FCMR: variants seen among roughly 807,000 people sequenced by gnomAD.
FCMR encodes the protein Fc mu receptor, also known as immunoglobulin mu Fc receptor.
In FCMR, 34 loss-of-function variants were observed where a neutral mutation model predicts 41.6. That is an observed-to-expected ratio of 0.82 (90% CI 0.62 to 1.09). The LOEUF (loss-of-function observed/expected upper bound fraction) is 1.09, where lower values mean the gene tolerates loss of function less well. Ranked by LOEUF, FCMR falls within the 50% of genes least tolerant of loss-of-function variation. FCMR has a pLI of 0.00. For synonymous variants in FCMR, 209 were observed against 211.8 expected, an observed-to-expected ratio of 0.99 and a Z score of 0.12; for missense variants, 496 against 512.5, an observed-to-expected ratio of 0.97 and a Z score of 0.31.
In FCMR at chr1:206,909,362, G is replaced by C. The variant is rs2102549326; in HGVS notation, c.1044+100C>G. The C allele has an allele frequency of 1.8e-6, 1 of 569,604 alleles. No homozygotes were observed. Among genetic ancestry groups the C allele is most frequent in the East Asian group, 3.5e-5 (1 of 28,288 alleles). The allele number at this position is 569,604 out of a possible 1,614,324, so 35.3% of individuals were successfully genotyped here. A position where few individuals can be genotyped will look rare whatever the true frequency, so the allele number is the denominator to read the frequency against. ...TGCTGGGAAACCCGCTCTCCGGATC[G>C]CGGCGGCGGCGGCGCGGGAAGCCAC... is the stretch of plus-strand genomic sequence containing the variant. On this transcript the variant is annotated intron_variant, in intron 7 of 7. Coordinates refer to ENST00000367091, the MANE Select transcript of FCMR (RefSeq NM_005449.5). This position sits in a 1 kb window ranked among gnomAD's most constrained non-coding sequence, Gnocchi z 5.0.
rs978866184 is a variant in FCMR, at chr1:206,912,019, A to G, written c.488-67T>C. On this transcript the variant is annotated intron_variant, in intron 3 of 7. Transcript: ENST00000367091. ...CTCTATTCTCCAACAGGATTAGGTCACCACCTCTTTCCACAACATACCCTT... is the reference window on the plus strand; with the variant it reads ...CTCTATTCTCCAACAGGATTAGGTCGCCACCTCTTTCCACAACATACCCTT... 4.0e-6 allele frequency: 5 copies of G among 1,242,486 alleles called. No homozygotes were observed. In the African/African-American group the frequency reaches 6.0e-5, roughly 15 times the overall value. 77.0% of individuals were successfully genotyped at this position (1,242,486 alleles called of 1,614,324 possible).
intron 2 of FCMR, 56 bp from the exon 3 acceptor site, chr1:206,913,098 G>A: frequency 7.3e-7 from 1 of 1,374,762 alleles, no homozygotes; most frequent in Non-Finnish European, 1.0e-6. Context: ...TGAGGCTTGG[G>A]TGTAAACTGA....
intron 7 of FCMR, among the ~76,000 whole-genome samples, chr1:206,908,425 A>C (rs143162396): frequency 0.011 from 1,745 of 152,320 alleles, 15 homozygotes; most frequent in Middle Eastern, 0.02. Flanking sequence ...GGAATTGTGC[A>C]GGTGTAATTT....
intron 1 of FCMR, among the ~76,000 whole-genome samples, chr1:206,919,683 G>C (rs1206178566): frequency 1.4e-4 from 22 of 152,302 alleles, no homozygotes; most frequent in Non-Finnish European, 1.5e-5. Flanking sequence ...GGCATGACTG[G>C]AGAAGGGTGG....
rs1679358737 is a variant in FCMR at position 206,919,869 on chromosome 1, T to C, written c.37+1949A>G. Among the ~76,000 whole-genome samples, 6 of 152,370 alleles carry C rather than the reference T, an allele frequency of 3.9e-5. No individual in the cohort carries two copies. In the South Asian group the frequency reaches 1.2e-3, roughly 32 times the overall value. On this transcript the variant is annotated intron_variant, in intron 1 of 7. Transcript: ENST00000367091. The stretch of plus-strand genomic sequence containing the variant: ...ACCACCGTGCCCTCCTATGTCCTAC[T>C]ACCTCTCACAGTGTTTGATGTTTCA...
chr1:206,918,854 T>C (rs1213329304), intron 1 of FCMR, among the ~76,000 whole-genome samples: 1 of 152,158 alleles, frequency 6.6e-6, no homozygotes, highest in East Asian at 1.9e-4. Context: ...TTGTGCCTCA[T>C]GCGCTAGGCC....
chr1:206,911,238 G>GTTT (rs34410700), intron 4 of FCMR, among the ~76,000 whole-genome samples: 6 of 146,006 alleles, frequency 4.1e-5, no homozygotes, highest in African/African-American at 1.3e-4. Flanking sequence ...TTATTATAGG[G>GTTT]TTTTTTTTTT....
chr1:206,913,913 C>T lies in FCMR; in HGVS notation c.219G>A (p.Lys73=). The T allele has an allele frequency of 6.2e-7, 1 of 1,614,234 alleles. No individual in the cohort carries two copies. Among genetic ancestry groups the T allele is most frequent in the Non-Finnish European group, 8.5e-7 (1 of 1,180,044 alleles). Residue 73 remains lysine (K), a synonymous_variant, in exon 2 of 8, where the codon AAG becomes AAA. Coordinates refer to ENST00000367091, the MANE Select transcript of FCMR (RefSeq NM_005449.5). ...STTNFIKAEY[K]GRVTLKQYPR... ...GGTATTGCTTCAGAGTAACTCGGCC[C>T]TTGTATTCTGCCTTGATGAAGTTGG... is the stretch of plus-strand genomic sequence containing the variant.
rs778545589 is a variant in FCMR, at chr1:206,914,058, A to G, written c.74T>C (p.Val25Ala). 8 of 1,613,814 alleles carry G rather than the reference A, an allele frequency of 5.0e-6. No homozygotes were observed. The South Asian group carries it at 8.8e-5, about 18-fold the overall frequency. ...GALRILPEVKVEGELGGSVTI... is the reference protein window; with the variant it reads ...GALRILPEVKAEGELGGSVTI... Reference sequence around the variant, plus strand: ...AACTGATCCGCCCAGCTCCCCCTCTACCTTTACTTCTGGGAGGATCCTCAG... The same window carrying G: ...AACTGATCCGCCCAGCTCCCCCTCTGCCTTTACTTCTGGGAGGATCCTCAG... The change falls in exon 2 of 8, where the codon GTA becomes GCA. Residue 25 changes from valine to alanine, a missense_variant. Coordinates refer to ENST00000367091, the MANE Select transcript of FCMR (RefSeq NM_005449.5).
chr1:206,906,127 G>A, intron 7 of FCMR: 2 of 491,554 alleles, frequency 4.1e-6, no homozygotes, highest in South Asian at 1.6e-5. Flanking sequence ...CCACTTAGAT[G>A]ATATAAGACC....
chr1:206,905,064 C>G lies in FCMR; in HGVS notation c.1128G>C (p.Met376Ile), dbSNP rs138108842. The change falls in exon 8 of 8, where the codon ATG becomes ATC. Residue 376 changes from methionine (M) to isoleucine (I), a missense_variant. By Grantham distance (10) the Met-to-Ile change is conservative. Transcript: ENST00000367091. ...YVSLYHQPAAMMEDSDSDDYI... is the reference protein window; with the variant it reads ...YVSLYHQPAAIMEDSDSDDYI... ...AGTCATCTGAATCACTGTCCTCCAT[C>G]ATGGCGGCAGGCTGGTGGTAGAGGC... 6.1e-5 allele frequency: 98 copies of G among 1,614,024 alleles called. No homozygotes were observed. In the East Asian group the frequency reaches 7.8e-4, roughly 13 times the overall value.
Position 206,912,942 on chromosome 1 carries a change from T to A in FCMR, c.474A>T (p.Lys158Asn). 6.2e-7 allele frequency: 1 copy of A among 1,612,098 alleles called. No homozygotes were observed. Among genetic ancestry groups the A allele is most frequent in the African/African-American group, 1.3e-5 (1 of 74,984 alleles). ...TGGTGAACTGACCTCTGGTTACGAATTTGGAAGAACTGGCATATGCAGGCA... is the reference window on the plus strand; with the variant it reads ...TGGTGAACTGACCTCTGGTTACGAAATTGGAAGAACTGGCATATGCAGGCA... ...FQMPAYASSS[K>N]FVTRVTTPAQ... The change falls in exon 3 of 8, where the codon AAA becomes AAT. Residue 158 changes from lysine (K) to asparagine (N), a missense_variant. Coordinates refer to ENST00000367091, the MANE Select transcript of FCMR (RefSeq NM_005449.5).
chr1:206,910,306 C>T lies in FCMR; in HGVS notation c.745G>A (p.Gly249Ser). The change falls in exon 5 of 8, where the codon GGC becomes AGC. Residue 249 changes from glycine to serine, a missense_variant. By Grantham distance (56) the Gly-to-Ser change is moderately conservative. Transcript: ENST00000367091. ...LDYGSQSGRE[G>S]QGFHILIPTI... The stretch of plus-strand genomic sequence containing the variant: ...GGGATCAGGATGTGAAATCCTTGGC[C>T]TTCCCTCCCAGACTGTGAGCCATAG... 6.4e-7 allele frequency: 1 copy of T among 1,573,336 alleles called. No individual in the cohort carries two copies. Among genetic ancestry groups the T allele is most frequent in the Non-Finnish European group, 8.6e-7 (1 of 1,159,224 alleles).
chr1:206,921,961 T>G, upstream of FCMR: 2 of 997,644 alleles, frequency 2.0e-6, no homozygotes, highest in Non-Finnish European at 3.1e-6. Flanking sequence ...AAGAGATTTC[T>G]AGCCCCCACG....
intron 7 of FCMR, chr1:206,908,373 G>T: frequency 1.7e-6 from 1 of 578,124 alleles, no homozygotes; most frequent in South Asian, 2.0e-5. Context: ...GCAAGGAAAG[G>T]GTCTTAGTCA....
intron 4 of FCMR, 98 bp from the exon 5 acceptor site, chr1:206,910,438 T>C (rs1678888136): frequency 2.0e-6 from 2 of 980,458 alleles, no homozygotes; most frequent in Non-Finnish European, 2.8e-6. Flanking sequence ...GGAGATGACT[T>C]ACAGGTTTGT....
intron 1 of FCMR, among the ~76,000 whole-genome samples, chr1:206,914,717 G>A (rs1402044336): frequency 6.6e-6 from 1 of 151,890 alleles, no homozygotes; most frequent in African/African-American, 2.4e-5. Flanking sequence ...GAGCCACCAC[G>A]CCCAACCCTT....
At chr1:206,914,245 T>C in intron 1 of FCMR, 151 bp from the exon 2 acceptor site, 1 of 627,646 alleles carries the variant, frequency 1.6e-6, no homozygotes, top group Non-Finnish European at 2.8e-6. Context: ...GTCCCAATTA[T>C]TAGCCTGGCC....
At chr1:206,912,482 C>T (rs1678985407) in intron 3 of FCMR, among the ~76,000 whole-genome samples, 1 of 152,200 alleles carries the variant, frequency 6.6e-6, no homozygotes, top group Admixed American at 6.5e-5. Flanking sequence ...GTAAAGGTAT[C>T]ATTAGTATGA....
Sources: gnomAD v4.1 joint callset for allele counts (sites outside exome capture counted in the v4.1 genomes callset) on GRCh38, gnomAD v4.1.1 for gene constraint, Gnocchi (gnomAD v3.1) non-coding constraint, MANE v1.5 for transcripts, NCBI Gene and HGNC (gene_info 2026-07-23, HGNC 2026-07-21) for gene names.